Variants in STAM observed in about 807,000 individuals in gnomAD.
STAM encodes the protein signal transducing adaptor molecule.
A neutral mutation model predicts 63.4 loss-of-function variants in STAM; 16 were observed. That is an observed-to-expected ratio of 0.25 (90% CI 0.17 to 0.38). STAM has a LOEUF of 0.38. Ranked by LOEUF, STAM falls within the 10% of genes least tolerant of loss-of-function variation. The pLI, the probability that STAM is intolerant of heterozygous loss-of-function variation, is 1.00. For synonymous variants in STAM, 238 were observed against 223.9 expected, an observed-to-expected ratio of 1.06 and a Z score of -0.56; for missense variants, 636 against 657.1, an observed-to-expected ratio of 0.97 and a Z score of 0.35.
chr10:17,709,249 T>A (rs1375922016), intron 13 of STAM, among the ~76,000 whole-genome samples: 1 of 152,256 alleles, frequency 6.6e-6, no homozygotes, highest in Non-Finnish European at 1.5e-5. Context: ...TATTTGATAA[T>A]GTCTTTAATG....
intron 1 of STAM, among the ~76,000 whole-genome samples, chr10:17,657,090 G>A (rs1554822234): frequency 6.6e-6 from 1 of 152,090 alleles, no homozygotes; most frequent in Non-Finnish European, 1.5e-5. Flanking sequence ...CAGGAAGGTC[G>A]TATACTGCCA....
intron 2 of STAM, among the ~76,000 whole-genome samples, chr10:17,669,884 CTTTTT>C (rs76381388): frequency 5.0e-5 from 6 of 120,758 alleles, no homozygotes; most frequent in Admixed American, 4.7e-4. Context: ...CTTTTCTTTT[CTTTTT>C]TTTTTTTTTT....
intron 2 of STAM, among the ~76,000 whole-genome samples, chr10:17,675,429 G>A (rs1414192034): frequency 2.6e-5 from 4 of 151,746 alleles, no homozygotes; most frequent in Admixed American, 6.6e-5. Flanking sequence ...GCTTGAACCC[G>A]GGAAGTGGAG....
Position 17,655,506 on chromosome 10 carries a change from G to A in STAM, c.41-4958G>A, listed in dbSNP as rs191193163. ...GTTGTCCGGTGGTAGTGACTAACTA[G>A]CAGGTGATGCTGTGATATATAGCAG... On this transcript the variant is annotated intron_variant, in intron 1 of 13. Coordinates refer to ENST00000377524, the MANE Select transcript of STAM (RefSeq NM_003473.4). Among the ~76,000 whole-genome samples, 39 of 152,192 alleles carry A rather than the reference G, an allele frequency of 2.6e-4. No individual in the cohort carries two copies. In the East Asian group the frequency reaches 7.1e-3, roughly 28 times the overall value.
At chr10:17,676,233 T>G (rs1460488196) in intron 2 of STAM, among the ~76,000 whole-genome samples, 1 of 152,200 alleles carries the variant, frequency 6.6e-6, no homozygotes, top group Non-Finnish European at 1.5e-5. Context: ...AGCTGACTTA[T>G]TTTTAATAGT....
intron 12 of STAM, among the ~76,000 whole-genome samples, chr10:17,706,930 A>G (rs1413492939): frequency 6.6e-6 from 1 of 152,244 alleles, no homozygotes; most frequent in Non-Finnish European, 1.5e-5. Flanking sequence ...TGTTTTTATT[A>G]TTACAAACCA....
intron 2 of STAM, among the ~76,000 whole-genome samples, chr10:17,678,069 A>AT (rs1834926525): frequency 6.6e-6 from 1 of 152,176 alleles, no homozygotes; most frequent in African/African-American, 2.4e-5. Flanking sequence ...ACAGTATCTA[A>AT]TTCCTGAACA....
intron 13 of STAM, among the ~76,000 whole-genome samples, chr10:17,709,237 G>A (rs1297222807): frequency 1.3e-5 from 2 of 152,014 alleles, no homozygotes; most frequent in East Asian, 3.9e-4. Context: ...TTGCATCTAT[G>A]ATATTTGATA....
At chr10:17,652,443 T>G (rs1414972175) in intron 1 of STAM, among the ~76,000 whole-genome samples, 1 of 152,174 alleles carries the variant, frequency 6.6e-6, no homozygotes, top group Non-Finnish European at 1.5e-5. Context: ...GTTCATGAGT[T>G]TTCAACATAA....
At chr10:17,660,106 T>A (rs1260626061) in intron 1 of STAM, among the ~76,000 whole-genome samples, 1 of 152,194 alleles carries the variant, frequency 6.6e-6, no homozygotes, top group African/African-American at 2.4e-5. Context: ...GAAACATTTT[T>A]ATAAAGATTT....
chr10:17,646,585 A>T (rs1279822979), intron 1 of STAM, among the ~76,000 whole-genome samples: 12 of 152,314 alleles, frequency 7.9e-5, no homozygotes, highest in African/African-American at 2.9e-4. Context: ...CAGACATTAT[A>T]CTTCTTCAGT....
chr10:17,708,307 A>G lies in STAM; in HGVS notation c.1210-469A>G, dbSNP rs1554829597. Among the ~76,000 whole-genome samples the G allele has an allele frequency of 2.6e-5, 4 of 152,192 alleles. No homozygotes were observed. In the East Asian group the frequency reaches 7.7e-4, roughly 29 times the overall value. On this transcript the variant is annotated intron_variant, in intron 12 of 13. Coordinates refer to ENST00000377524, the MANE Select transcript of STAM (RefSeq NM_003473.4). ...AAATATTTACGTCAGGCCCTTTACA[A>G]AAAAGTTTGCTGACCCCTGCTTTAG... is the stretch of plus-strand genomic sequence containing the variant.
chr10:17,706,375 T>TCC (rs1564571012), intron 12 of STAM, among the ~76,000 whole-genome samples: 6 of 124,582 alleles, frequency 4.8e-5, no homozygotes, highest in Admixed American at 8.3e-5. Context: ...GGCCCTTTTT[T>TCC]TTTTTTTTTT....
At chr10:17,701,821 G>A (rs138975801) in intron 9 of STAM, among the ~76,000 whole-genome samples, 39 of 152,262 alleles carry the variant, frequency 2.6e-4, no homozygotes, top group African/African-American at 8.9e-4. Flanking sequence ...TTGCCTCAGA[G>A]TATAAGAATT....
chr10:17,684,628 A>T (rs1169673620), intron 2 of STAM, 47 bp from the exon 3 acceptor site: 1 of 1,493,124 alleles, frequency 6.7e-7, no homozygotes, highest in East Asian at 2.3e-5. Flanking sequence ...GGGCAGGGGG[A>T]AGCTAGATGT....
At position 17,714,979 on chromosome 10, in the gene STAM, G is replaced by A; in HGVS notation, c.*199G>A. The stretch of plus-strand genomic sequence containing the variant: ...GTTCTTCCCCCCCCGCCCCTGCAGA[G>A]GAATGAAACTACTTACAACATTTAA... On this transcript the variant is annotated 3_prime_UTR_variant, in exon 14 of 14. Transcript: ENST00000377524. 5.3e-6 allele frequency: 3 copies of A among 569,604 alleles called. No individual in the cohort carries two copies. The highest frequency in any genetic ancestry group is 9.4e-6 in the Non-Finnish European group (3 of 319,660). The allele number at this position is 569,604 out of a possible 1,614,324, so 35.3% of individuals were successfully genotyped here.
chr10:17,707,864 TC>T (rs1353889556), intron 12 of STAM, among the ~76,000 whole-genome samples: 3 of 151,618 alleles, frequency 2.0e-5, no homozygotes, highest in Non-Finnish European at 2.9e-5. Context: ...AGTAGACAAA[TC>T]CAGCCTGTTG....
chr10:17,685,053 A>G, intron 4 of STAM, 126 bp downstream of exon 4: 1 of 686,220 alleles, frequency 1.5e-6, no homozygotes, highest in South Asian at 2.4e-5. Flanking sequence ...GTGTCTATCC[A>G]GTATATAAAT....
chr10:17,644,574 C>T (rs570281875), intron 1 of STAM, among the ~76,000 whole-genome samples, 195 bp downstream of exon 1: 1 of 152,228 alleles, frequency 6.6e-6, no homozygotes, highest in East Asian at 1.9e-4. Flanking sequence ...TGGGACTCAT[C>T]CTGTGAAATG....
Sources: gnomAD v4.1 joint callset for allele counts (sites outside exome capture counted in the v4.1 genomes callset) on GRCh38, gnomAD v4.1.1 for gene constraint, MANE v1.5 for transcripts, NCBI Gene and HGNC (gene_info 2026-07-23, HGNC 2026-07-21) for gene names.